Variants in ZNF326 observed in about 807,000 individuals in gnomAD.
The protein encoded by ZNF326 is zinc finger protein 326.
Under a neutral mutation model 63.1 loss-of-function variants are expected in ZNF326, and 30 were observed. The ratio of observed to expected loss-of-function variants is 0.48; its 90% CI spans 0.36 to 0.64. The LOEUF (loss-of-function observed/expected upper bound fraction) is 0.64. Among genes scored for constraint, ZNF326 ranks in the 30% least tolerant of loss-of-function variants. The probability of loss-of-function intolerance (pLI) is 0.00; values close to 1 mark genes in which losing one functional copy is unlikely to be tolerated. For synonymous variants in ZNF326, 194 were observed against 228.2 expected, an observed-to-expected ratio of 0.85 and a Z score of 1.35; for missense variants, 609 against 720.3, an observed-to-expected ratio of 0.85 and a Z score of 1.77.
chr1:90,009,734 A>G (rs1649146514), intron 5 of ZNF326, among the ~76,000 whole-genome samples: 1 of 152,152 alleles, frequency 6.6e-6, no homozygotes, highest in Admixed American at 6.5e-5. Flanking sequence ...GAAAACATCA[A>G]TTAGGAACTC....
chr1:90,021,724 C>G (rs1008877622), intron 10 of ZNF326, among the ~76,000 whole-genome samples: 1 of 151,996 alleles, frequency 6.6e-6, no homozygotes, highest in Non-Finnish European at 1.5e-5. Context: ...TGAAGTGAAC[C>G]TCATTTAATT....
chr1:89,997,636 G>C (rs1648453582), intron 1 of ZNF326, among the ~76,000 whole-genome samples: 1 of 152,322 alleles, frequency 6.6e-6, no homozygotes, highest in Middle Eastern at 3.4e-3. Flanking sequence ...CTTCCCAAGT[G>C]CTGGGATTAC....
chr1:90,025,688 A>T (rs1037819823), intron 11 of ZNF326, among the ~76,000 whole-genome samples: 2 of 152,126 alleles, frequency 1.3e-5, no homozygotes, highest in African/African-American at 4.8e-5. Context: ...TACTTTTGAA[A>T]CTGCTCTTCC....
intron 6 of ZNF326, among the ~76,000 whole-genome samples, chr1:90,010,881 A>G (rs1649202973): frequency 6.6e-6 from 1 of 152,168 alleles, no homozygotes; most frequent in South Asian, 2.1e-4. Context: ...CTTATTGTTT[A>G]ATAAGAAACA....
At chr1:90,006,364 G>A in intron 4 of ZNF326, 1 of 981,592 alleles carries the variant, frequency 1.0e-6, no homozygotes, top group South Asian at 4.7e-5. Context: ...AATGTAATGT[G>A]CATAAGCTAT....
intron 7 of ZNF326, among the ~76,000 whole-genome samples, chr1:90,015,062 T>C (rs1253292016): frequency 1.3e-5 from 2 of 152,196 alleles, no homozygotes; most frequent in Non-Finnish European, 2.9e-5. Flanking sequence ...AATCTGATGA[T>C]ATAACCAAAA....
chr1:90,008,228 A>G (rs1258840372), intron 5 of ZNF326, among the ~76,000 whole-genome samples: 1 of 152,256 alleles, frequency 6.6e-6, no homozygotes, highest in Non-Finnish European at 1.5e-5. Flanking sequence ...CTAAAAGTTG[A>G]TGATAGATCA....
chr1:90,027,309 A>T, intron 11 of ZNF326, 45 bp from the exon 12 acceptor site: 1 of 1,575,280 alleles, frequency 6.3e-7, no homozygotes, highest in Non-Finnish European at 8.7e-7. Flanking sequence ...CAGATCATGT[A>T]ATAATGAATG....
chr1:89,996,771 CAA>C (rs1331483025), intron 1 of ZNF326, among the ~76,000 whole-genome samples: 1 of 149,880 alleles, frequency 6.7e-6, no homozygotes, highest in African/African-American at 2.4e-5. Context: ...AACAACAAAA[CAA>C]AAAACTATGA....
rs1650150234 is a variant in ZNF326, at chr1:90,028,993, A to G, written c.*1292A>G. 1 of 151,658 alleles carries G rather than the reference A, an allele frequency of 6.6e-6. No homozygotes were observed. The highest frequency in any genetic ancestry group is 1.5e-5 in the Non-Finnish European group (1 of 68,004). The allele number at this position is 151,658 out of a possible 1,614,324, so 9.4% of individuals were successfully genotyped here. A position where few individuals can be genotyped will look rare whatever the true frequency, so the allele number is the denominator to read the frequency against. The stretch of plus-strand genomic sequence containing the variant: ...TAATTTTTGTAGTTTTTGTAGAGAC[A>G]GGGTTTTACCATGTTGTCCAGGCTG... On this transcript the variant is annotated 3_prime_UTR_variant, in exon 12 of 12. Coordinates refer to ENST00000340281, the MANE Select transcript of ZNF326 (RefSeq NM_182976.4).
Position 90,027,492 on chromosome 1 carries a change from G to A in ZNF326, c.1540G>A (p.Glu514Lys), listed in dbSNP as rs777916895. ...GGAAGAAGAAGCAGAGGAAGTGGGG[G>A]AAGTAGAGGAAGTGGAAGAAGTAGA... ...DEEEEAEEVG[E>K]VEEVEEVEEV... The change falls in exon 12 of 12, where the codon GAA becomes AAA. Residue 514 changes from glutamate to lysine, a missense_variant. Coordinates refer to ENST00000340281, the MANE Select transcript of ZNF326 (RefSeq NM_182976.4). 1 of 1,612,964 alleles carries A rather than the reference G, an allele frequency of 6.2e-7. No homozygotes were observed. Among genetic ancestry groups the A allele is most frequent in the Non-Finnish European group, 8.5e-7 (1 of 1,179,374 alleles).
At chr1:89,998,260 C>T (rs951864803) in intron 2 of ZNF326, 106 bp downstream of exon 2, 3 of 989,694 alleles carry the variant, frequency 3.0e-6, no homozygotes, top group Non-Finnish European at 4.6e-6. Flanking sequence ...CTTGATATAT[C>T]ATTTATGTGT....
rs796596939 is a variant in ZNF326, at chr1:90,021,036, G to A, written c.1305+114G>A. ...TTTTATCAATTTATCAATCTCATAT[G>A]GAAATAACTGTAAGTATACTCAGAG... is the stretch of plus-strand genomic sequence containing the variant. On this transcript the variant is annotated intron_variant, in intron 10 of 11. Transcript: ENST00000340281. The A allele has an allele frequency of 4.5e-6, 5 of 1,113,564 alleles. No individual in the cohort carries two copies. In the African/African-American group the frequency reaches 4.7e-5, roughly 10 times the overall value. The allele number at this position is 1,113,564 out of a possible 1,614,324, so 69.0% of individuals were successfully genotyped here. A position where few individuals can be genotyped will look rare whatever the true frequency, so the allele number is the denominator to read the frequency against.
rs1649163496 is a variant in ZNF326 at position 90,010,091 on chromosome 1, A to G, written c.619A>G (p.Met207Val). 1 of 1,613,652 alleles carries G rather than the reference A, an allele frequency of 6.2e-7. No homozygotes were observed. Among genetic ancestry groups the G allele is most frequent in the Non-Finnish European group, 8.5e-7 (1 of 1,179,672 alleles). Residue 207 changes from methionine to valine, a missense_variant, in exon 6 of 12, where the codon ATG becomes GTG. Around this residue, in one of 3 missense-constraint regions of ZNF326, gnomAD observed 113 missense variants for 187.4 expected, o/e 0.60. Coordinates refer to ENST00000340281, the MANE Select transcript of ZNF326 (RefSeq NM_182976.4). ...STGRGRGRGHMGDFGSIHRPG... is the reference protein window; with the variant it reads ...STGRGRGRGHVGDFGSIHRPG... Reference sequence around the variant, plus strand: ...TATTGATTTCACAAATTTACAGCATATGGGTGATTTTGGAAGCATTCATAG... The same window carrying G: ...TATTGATTTCACAAATTTACAGCATGTGGGTGATTTTGGAAGCATTCATAG...
intron 7 of ZNF326, among the ~76,000 whole-genome samples, chr1:90,016,144 TTGTC>T (rs762947846): frequency 3.3e-5 from 5 of 152,068 alleles, no homozygotes; most frequent in Non-Finnish European, 5.9e-5. Context: ...TCTAAGGGCT[TTGTC>T]TGCATTAATT....
In ZNF326 at chr1:90,008,987, A is replaced by G. The variant is rs144479213; in HGVS notation, c.616-1101A>G. Among the ~76,000 whole-genome samples, 475 of 152,280 alleles carry G rather than the reference A, an allele frequency of 3.1e-3. 1 individual carries two copies. Among genetic ancestry groups the G allele is most frequent in the African/African-American group, 0.011 (455 of 41,576 alleles). ...ATACTTCATGATCATAGGTTAATTG[A>G]AAATAGTTGGGATGATAGGCTTTGG... On this transcript the variant is annotated intron_variant, in intron 5 of 11. Coordinates refer to ENST00000340281, the MANE Select transcript of ZNF326 (RefSeq NM_182976.4).
At chr1:90,022,422 G>A (rs944167103) in intron 11 of ZNF326, 77 bp downstream of exon 11, 1 of 1,036,944 alleles carries the variant, frequency 9.6e-7, no homozygotes, top group Non-Finnish European at 1.5e-6. Flanking sequence ...GTAACCTTTT[G>A]TGATACTTGA....
At chr1:90,016,723 AAAAAAG>A (rs1295862955) in intron 7 of ZNF326, among the ~76,000 whole-genome samples, 84 of 152,256 alleles carry the variant, frequency 5.5e-4, no homozygotes, top group Middle Eastern at 3.4e-3. Flanking sequence ...TCTCAAAAAA[AAAAAAG>A]AAAAAGAAAA....
At chr1:90,002,045 A>G (rs1648710743) in intron 2 of ZNF326, among the ~76,000 whole-genome samples, 1 of 152,302 alleles carries the variant, frequency 6.6e-6, no homozygotes, top group African/African-American at 2.4e-5. Context: ...AAGATATACT[A>G]CTATGTTCTC....
Sources: allele counts gnomAD v4.1 joint callset (sites outside exome capture counted in the v4.1 genomes callset), GRCh38; gene constraint gnomAD v4.1.1; regional missense constraint gnomAD v4.1.1; transcripts MANE v1.5; gene names NCBI Gene and HGNC (gene_info 2026-07-23, HGNC 2026-07-21).